AGBL1: variants seen among roughly 807,000 people sequenced by gnomAD.
The protein encoded by AGBL1 is cytosolic carboxypeptidase 4.
Under a neutral mutation model 118.9 loss-of-function variants are expected in AGBL1, and 130 were observed. That is an observed-to-expected ratio of 1.09 (90% CI 0.95 to 1.26). The LOEUF is 1.26. Among genes scored for constraint, AGBL1 ranks in the 50% most tolerant of loss-of-function variants. AGBL1 has a pLI of 0.00. For synonymous variants in AGBL1, 555 were observed against 478.9 expected, an observed-to-expected ratio of 1.16 and a Z score of -2.08; for missense variants, 1,584 against 1,298.1, an observed-to-expected ratio of 1.22 and a Z score of -3.38.
chr15:86,724,235 CAAA>C (rs1204898095), intron 22 of AGBL1, among the ~76,000 whole-genome samples: 4 of 73,840 alleles, frequency 5.4e-5, no homozygotes, highest in Non-Finnish European at 9.5e-5. Context: ...GACTCCATCT[CAAA>C]AAAAAAAAAA....
intron 21 of AGBL1, among the ~76,000 whole-genome samples, chr15:86,663,050 A>G (rs1166090382): frequency 6.6e-6 from 1 of 152,176 alleles, no homozygotes; most frequent in Non-Finnish European, 1.5e-5. Context: ...TTGATATTCC[A>G]CTGATTTTCA....
chr15:86,735,771 G>A (rs2077586839), intron 22 of AGBL1, among the ~76,000 whole-genome samples: 1 of 152,014 alleles, frequency 6.6e-6, no homozygotes, highest in South Asian at 2.1e-4. Flanking sequence ...TGGCACAAGT[G>A]TGCTATATTT....
chr15:86,897,319 T>C (rs1227988284), intron 22 of AGBL1, among the ~76,000 whole-genome samples: 1 of 152,208 alleles, frequency 6.6e-6, no homozygotes, highest in African/African-American at 2.4e-5. Flanking sequence ...AGATTATATG[T>C]TGCTGTGGAT....
At chr15:86,666,711 A>G (rs974600739) in intron 21 of AGBL1, among the ~76,000 whole-genome samples, 2 of 152,206 alleles carry the variant, frequency 1.3e-5, no homozygotes, top group Non-Finnish European at 2.9e-5. Context: ...CAGTGGACCA[A>G]CTACTGATCT....
At chr15:86,705,460 AAATC>A (rs2086433451) in intron 22 of AGBL1, among the ~76,000 whole-genome samples, 1 of 152,186 alleles carries the variant, frequency 6.6e-6, no homozygotes, top group African/African-American at 2.4e-5. Context: ...GTTATGGTGA[AAATC>A]AATCTAGGTA....
At chr15:86,141,925 G>T in intron 1 of AGBL1, 79 bp from the exon 2 acceptor site, 2 of 1,366,706 alleles carry the variant, frequency 1.5e-6, no homozygotes, top group Middle Eastern at 1.8e-4. Context: ...GTAGAGCTCT[G>T]CCATTCCATG....
intron 5 of AGBL1, among the ~76,000 whole-genome samples, chr15:86,195,058 C>T (rs114000399): frequency 0.027 from 4,142 of 152,132 alleles, 76 homozygotes; most frequent in East Asian, 0.073. Context: ...TTTTAAATGC[C>T]TTATTCACTC....
At chr15:86,548,604 T>C (rs1468811615) in intron 20 of AGBL1, among the ~76,000 whole-genome samples, 1 of 151,778 alleles carries the variant, frequency 6.6e-6, no homozygotes, top group African/African-American at 2.4e-5. Context: ...CCACTCTATG[T>C]GGTCATCAAG....
chr15:86,120,427 T>A (rs936191310), intron 1 of AGBL1, among the ~76,000 whole-genome samples: 3 of 152,196 alleles, frequency 2.0e-5, no homozygotes, highest in African/African-American at 7.2e-5. Flanking sequence ...TGGTGTCCCC[T>A]CCTGGAGACA....
intron 18 of AGBL1, among the ~76,000 whole-genome samples, chr15:86,415,521 T>C (rs1406804485): frequency 2.0e-5 from 3 of 152,160 alleles, no homozygotes; most frequent in Non-Finnish European, 2.9e-5. Flanking sequence ...ACAACACTTA[T>C]AAGAACAGTT....
intron 22 of AGBL1, among the ~76,000 whole-genome samples, chr15:86,707,706 A>G (rs1596389868): frequency 6.6e-6 from 1 of 152,202 alleles, no homozygotes; most frequent in East Asian, 1.9e-4. Context: ...TATTGAAGCA[A>G]CATTGCATAA....
At chr15:86,812,496 C>T (rs76004262) in intron 22 of AGBL1, among the ~76,000 whole-genome samples, 104 of 152,298 alleles carry the variant, frequency 6.8e-4, no homozygotes, top group Middle Eastern at 3.4e-3. Flanking sequence ...TTTTGATGCT[C>T]GAGCTCCACC....
At chr15:86,228,655 A>C (rs2078405741) in intron 6 of AGBL1, among the ~76,000 whole-genome samples, 1 of 152,204 alleles carries the variant, frequency 6.6e-6, no homozygotes, top group Non-Finnish European at 1.5e-5. Flanking sequence ...CACAGTAACC[A>C]CAGAAAGCAA....
intron 18 of AGBL1, among the ~76,000 whole-genome samples, chr15:86,423,866 C>A (rs1047972349): frequency 3.9e-5 from 6 of 152,098 alleles, no homozygotes; most frequent in African/African-American, 1.4e-4. Context: ...CAAACCACTG[C>A]TCAAGGAAAT....
intron 21 of AGBL1, among the ~76,000 whole-genome samples, chr15:86,571,171 A>C (rs77578388): frequency 0.03 from 4,558 of 152,206 alleles, 106 homozygotes; most frequent in East Asian, 0.079. Flanking sequence ...GGGGGCCCCA[A>C]AGATGGAGTC....
intron 22 of AGBL1, among the ~76,000 whole-genome samples, chr15:86,730,150 G>C (rs1402013652): frequency 1.3e-5 from 2 of 152,134 alleles, no homozygotes; most frequent in Non-Finnish European, 2.9e-5. Flanking sequence ...AGATTTAAAT[G>C]TAAGATCTCG....
chr15:86,125,002 A>G (rs1355921703), intron 1 of AGBL1, among the ~76,000 whole-genome samples: 1 of 152,190 alleles, frequency 6.6e-6, no homozygotes, highest in African/African-American at 2.4e-5. Context: ...TCCAAGTGCA[A>G]TAATGGCTTT....
chr15:86,586,863 G>C (rs1294345671), intron 21 of AGBL1, among the ~76,000 whole-genome samples: 1 of 152,056 alleles, frequency 6.6e-6, no homozygotes, highest in Non-Finnish European at 1.5e-5. Flanking sequence ...AGTTAAGGGG[G>C]GGTCTGTTAT....
In AGBL1 at chr15:86,810,652, A is replaced by G. The variant is rs142543663; in HGVS notation, c.3159-96435A>G. 2.3e-3 allele frequency among the ~76,000 whole-genome samples: 349 copies of G among 152,288 alleles called. 3 individuals are homozygous for G. The highest frequency in any genetic ancestry group is 8.0e-3 in the African/African-American group (332 of 41,564). On this transcript the variant is annotated intron_variant, in intron 22 of 22. Coordinates refer to ENST00000614907, the MANE Select transcript of AGBL1 (RefSeq NM_001386094.1). ...CCCATTTCTCAGAATTCTTGAGTTC[A>G]GAGTTCTCTCTGTACTGAAGCTTGT...
Sources: gnomAD v4.1 joint callset for allele counts (sites outside exome capture counted in the v4.1 genomes callset) on GRCh38, gnomAD v4.1.1 for gene constraint, MANE v1.5 for transcripts, NCBI Gene and HGNC (gene_info 2026-07-23, HGNC 2026-07-21) for gene names.